GOLGB1: variants seen among roughly 807,000 people sequenced by gnomAD.
GOLGB1 encodes golgin B1, also known as golgin subfamily B member 1.
Under a neutral mutation model 336.9 loss-of-function variants are expected in GOLGB1, and 174 were observed. The ratio of observed to expected loss-of-function variants is 0.52; its 90% confidence interval spans 0.46 to 0.59. The LOEUF is 0.59. Among genes scored for constraint, GOLGB1 ranks in the 20% least tolerant of loss-of-function variants. The pLI is 0.00. For synonymous variants in GOLGB1, 1,208 were observed against 1,289.2 expected (o/e 0.94, Z 1.35); for missense variants, 3,331 against 3,645.3 (o/e 0.91, Z 2.22).
At chr3:121,706,719 C>A (rs1177148544) in intron 10 of GOLGB1, among the ~76,000 whole-genome samples, 5 of 88,140 alleles carry the variant, frequency 5.7e-5, no homozygotes, top group Admixed American at 3.6e-4. Flanking sequence ...GGATGACACA[C>A]TGAGACTCTG....
chr3:121,668,069 C>T lies in GOLGB1; in HGVS notation c.9411G>A (p.Pro3137=), dbSNP rs776172927. 5.7e-6 allele frequency: 9 copies of T among 1,581,690 alleles called. No homozygotes were observed. The highest frequency in any genetic ancestry group is 2.2e-5 in the South Asian group (2 of 89,102). Residue 3137 remains proline (P), a synonymous_variant, in exon 19 of 22, where the codon CCG becomes CCA. Transcript: ENST00000614479. ...GAGAGCCACTCCCCTACCTTTGCTG[C>T]GGTTCCCTTAGTTCCTCAGGGTCAC... ...RKSDPEELRE[P]QQSFSEAQQQ...
In GOLGB1 at chr3:121,721,454, C is replaced by G. The variant is rs554948591; in HGVS notation, c.648+808G>C. ...CCTGCCTGGGCAACATATTGAGAACCTGTCTCTTCAAAAAATGTAAAAAAT... is the reference window on the plus strand; with the variant it reads ...CCTGCCTGGGCAACATATTGAGAACGTGTCTCTTCAAAAAATGTAAAAAAT... On this transcript the variant is annotated intron_variant, in intron 6 of 21. Transcript: ENST00000614479. 3.9e-5 allele frequency among the ~76,000 whole-genome samples: 6 copies of G among 152,204 alleles called. No homozygotes were observed. The East Asian group carries it at 1.2e-3, about 29-fold the overall frequency.
intron 1 of GOLGB1, among the ~76,000 whole-genome samples, chr3:121,747,359 G>GTA (rs750220442): frequency 3.8e-4 from 51 of 132,824 alleles, no homozygotes; most frequent in Non-Finnish European, 5.0e-4. Flanking sequence ...GTGTATATAC[G>GTA]TATATATACG....
At position 121,695,435 on chromosome 3, in the gene GOLGB1, C is replaced by T; in HGVS notation, c.5088G>A (p.Glu1696=). 6.2e-7 allele frequency: 1 copy of T among 1,614,062 alleles called. No homozygotes were observed. The change falls in exon 13 of 22, where the codon GAG becomes GAA. Residue 1696 remains glutamate (E), a synonymous_variant. Transcript: ENST00000614479. ...FAKSKQQKIL[E]LEEENDRLRA... ...TAAGCCGGTCATTCTCTTCTTCCAG[C>T]TCTAGGATTTTCTGCTGTTTAGATT...
In GOLGB1 at chr3:121,695,275, A is replaced by C; in HGVS notation, c.5248T>G (p.Leu1750Val). The C allele has an allele frequency of 6.2e-7, 1 of 1,613,686 alleles. No individual in the cohort carries two copies. Among genetic ancestry groups the C allele is most frequent in the South Asian group, 1.1e-5 (1 of 91,062 alleles). The part of the protein sequence containing the change: ...YETLSKKFQS[L>V]MSEKDSLSEE... ...CTTAGAGAGTCTTTCTCAGACATTA[A>C]AGACTGAAACTTCTTAGAAAGGGTT... Residue 1750 changes from leucine (L) to valine (V), a missense_variant, in exon 13 of 22, where the codon TTA (leucine) becomes GTA (valine). Leu to Val is a conservative substitution (Grantham distance 32, BLOSUM62 1). Coordinates refer to ENST00000614479, the MANE Select transcript of GOLGB1 (RefSeq NM_001366282.2).
chr3:121,670,922 G>T (rs1939445213), intron 17 of GOLGB1, among the ~76,000 whole-genome samples: 1 of 152,110 alleles, frequency 6.6e-6, no homozygotes, highest in Admixed American at 6.5e-5. Flanking sequence ...AATTTTCCTG[G>T]CCACAATGAA....
In GOLGB1 at chr3:121,691,082, T is replaced by A. The variant is rs1477391368; in HGVS notation, c.8282A>T (p.Glu2761Val). 6.2e-7 allele frequency: 1 copy of A among 1,614,110 alleles called. No homozygotes were observed. The highest frequency in any genetic ancestry group is 8.5e-7 in the Non-Finnish European group (1 of 1,180,024). The change falls in exon 14 of 22, where the codon GAA (glutamate) becomes GTA (valine). Residue 2761 changes from glutamate to valine, a missense_variant. Physicochemically the swap from Glu to Val is moderately radical, Grantham distance 121. Coordinates refer to ENST00000614479, the MANE Select transcript of GOLGB1 (RefSeq NM_001366282.2). ...SRDHANEELD[E>V]LKRKYDASLK... Reference sequence around the variant, plus strand: ...ACTGGCATCATATTTCCTTTTCAGTTCATCAAGTTCCTCATTGGCATGATC... The same window carrying A: ...ACTGGCATCATATTTCCTTTTCAGTACATCAAGTTCCTCATTGGCATGATC...
chr3:121,690,823 C>T lies in GOLGB1; in HGVS notation c.8541G>A (p.Gln2847=). ...CATTCCACAGGTGATCTCTCTCATT[C>T]TGCAGACTGGCCATAGCCTTGGAAA... The part of the protein sequence containing the change: ...QSFSKAMASL[Q]NERDHLWNEL... Residue 2847 remains glutamine (Q), a synonymous_variant, in exon 14 of 22, where the codon CAG becomes CAA. Transcript: ENST00000614479. The T allele has an allele frequency of 3.1e-6, 5 of 1,610,164 alleles. No homozygotes were observed. Among genetic ancestry groups the T allele is most frequent in the Non-Finnish European group, 4.2e-6 (5 of 1,178,290 alleles).
At chr3:121,683,330 CAAGT>C (rs1941320756) in intron 14 of GOLGB1, among the ~76,000 whole-genome samples, 1 of 152,072 alleles carries the variant, frequency 6.6e-6, no homozygotes, top group Admixed American at 6.6e-5. Flanking sequence ...GGCACAGTTA[CAAGT>C]AAGGGTATTG....
chr3:121,692,452 T>C lies in GOLGB1; in HGVS notation c.6912A>G (p.Leu2304=). 1 of 1,614,056 alleles carries C rather than the reference T, an allele frequency of 6.2e-7. No individual in the cohort carries two copies. Among genetic ancestry groups the C allele is most frequent in the Non-Finnish European group, 8.5e-7 (1 of 1,179,936 alleles). Residue 2304 remains leucine, a synonymous_variant, in exon 14 of 22, where the codon CTA becomes CTG. Coordinates refer to ENST00000614479, the MANE Select transcript of GOLGB1 (RefSeq NM_001366282.2). The stretch of plus-strand genomic sequence containing the variant: ...CTAATTCATTCTGAGAACTGTGGTA[T>C]AGGTGGCGTGTCTCTTCTAGCTGGG... ...LLSQLEETRH[L]YHSSQNELAK... is the part of the protein sequence containing the mutation.
In GOLGB1 at chr3:121,697,705, G is replaced by A. The variant is rs1449365950; in HGVS notation, c.2818C>T (p.Leu940=). Residue 940 remains leucine, a synonymous_variant, in exon 13 of 22, where the codon CTA becomes TTA. Coordinates refer to ENST00000614479, the MANE Select transcript of GOLGB1 (RefSeq NM_001366282.2). Reference sequence around the variant, plus strand: ...TCCTCAGCTCTGGATAATAAATTTAGCTGTTCTTTAAGAGTCTTAATTTCA... The same window carrying A: ...TCCTCAGCTCTGGATAATAAATTTAACTGTTCTTTAAGAGTCTTAATTTCA... ...GVEIKTLKEQ[L]NLLSRAEEAK... 1 of 1,613,482 alleles carries A rather than the reference G, an allele frequency of 6.2e-7. No homozygotes were observed. The highest frequency in any genetic ancestry group is 1.3e-5 in the African/African-American group (1 of 74,868).
At chr3:121,707,235 A>C (rs1560265560) in intron 10 of GOLGB1, among the ~76,000 whole-genome samples, 3 of 150,926 alleles carry the variant, frequency 2.0e-5, no homozygotes, top group South Asian at 2.1e-4. Flanking sequence ...CAAAAAAAAA[A>C]AAAAAAACAA....
chr3:121,706,357 T>C (rs1347528793), intron 10 of GOLGB1, among the ~76,000 whole-genome samples: 1 of 152,102 alleles, frequency 6.6e-6, no homozygotes, highest in Non-Finnish European at 1.5e-5. Context: ...AGGTACATTA[T>C]AATTCAAGTG....
intron 21 of GOLGB1, among the ~76,000 whole-genome samples, 155 bp downstream of exon 21, chr3:121,664,771 C>T (rs1938365116): frequency 6.6e-6 from 1 of 152,166 alleles, no homozygotes; most frequent in Non-Finnish European, 1.5e-5. Context: ...TTGGCAAATT[C>T]CACCAGGTTC....
chr3:121,675,584 T>C (rs1035676571), intron 17 of GOLGB1, among the ~76,000 whole-genome samples: 1 of 152,208 alleles, frequency 6.6e-6, no homozygotes, highest in African/African-American at 2.4e-5. Flanking sequence ...ACTCCATTTA[T>C]ATGTAGTTCT....
intron 14 of GOLGB1, among the ~76,000 whole-genome samples, chr3:121,689,973 T>A (rs1453945186): frequency 1.3e-5 from 2 of 152,190 alleles, no homozygotes; most frequent in African/African-American, 4.8e-5. Context: ...TGCCCCTGAA[T>A]CTTGGGAGAC....
At position 121,676,776 on chromosome 3, in the gene GOLGB1, T is replaced by C. The variant is rs1410108040; in HGVS notation, c.9177+117A>G. 12 of 888,650 alleles carry C rather than the reference T, an allele frequency of 1.4e-5. No homozygotes were observed. The East Asian group carries it at 2.7e-4, about 20-fold the overall frequency. The allele number at this position is 888,650 out of a possible 1,614,324, so 55.0% of individuals were successfully genotyped here. ...ACCCAGGTTCTGAGAAAGGTGAAAC[T>C]TCTGTACCCTAAGATATGCTACAGC... On this transcript the variant is annotated intron_variant, in intron 17 of 21. Coordinates refer to ENST00000614479, the MANE Select transcript of GOLGB1 (RefSeq NM_001366282.2).
At chr3:121,666,507 A>C (rs956277841) in intron 20 of GOLGB1, among the ~76,000 whole-genome samples, 20 of 152,158 alleles carry the variant, frequency 1.3e-4, no homozygotes, top group African/African-American at 4.8e-4. Context: ...GACACCACAC[A>C]AGGCATTAAG....
chr3:121,690,702 T>C lies in GOLGB1; in HGVS notation c.8662A>G (p.Met2888Val), dbSNP rs1423043501. Residue 2888 changes from methionine to valine, a missense_variant, in exon 14 of 22, where the codon ATG becomes GTG. By Grantham distance (21) the Met-to-Val change is conservative. Transcript: ENST00000614479. The part of the protein sequence containing the change: ...PAEVQSLKKA[M>V]SSLQNDRDRL... Reference sequence around the variant, plus strand: ...TCTCTGTCATTTTGGAGTGAAGACATAGCTTTTTTTAAACTCTGTACTTCA... The same window carrying C: ...TCTCTGTCATTTTGGAGTGAAGACACAGCTTTTTTTAAACTCTGTACTTCA... 3 of 1,519,420 alleles carry C rather than the reference T, an allele frequency of 2.0e-6. No individual in the cohort carries two copies. Among genetic ancestry groups the C allele is most frequent in the Admixed American group, 2.3e-5 (1 of 43,398 alleles). The allele number at this position is 1,519,420 out of a possible 1,614,324, so 94.1% of individuals were successfully genotyped here. A position where few individuals can be genotyped will look rare whatever the true frequency, so the allele number is the denominator to read the frequency against.
Sources: allele counts gnomAD v4.1 joint callset (sites outside exome capture counted in the v4.1 genomes callset), GRCh38; gene constraint gnomAD v4.1.1; transcripts MANE v1.5; gene names NCBI Gene and HGNC (gene_info 2026-07-23, HGNC 2026-07-21).